DOCK4: variants seen among roughly 807,000 people sequenced by gnomAD.
The protein encoded by DOCK4 is dedicator of cytokinesis 4, also known as dedicator of cytokinesis protein 4.
A neutral mutation model predicts 268.1 loss-of-function variants in DOCK4; 97 were observed. That is an observed-to-expected ratio of 0.36 (90% CI 0.31 to 0.43). The LOEUF (loss-of-function observed/expected upper bound fraction) is 0.43. DOCK4 is among the 20% of genes least tolerant of loss of function. DOCK4 has a pLI of 1.00. For synonymous variants in DOCK4, 954 were observed against 887.2 expected (o/e 1.08, Z -1.34); for missense variants, 2,145 against 2,455.7 (o/e 0.87, Z 2.67).
At chr7:111,761,092 A>C in intron 39 of DOCK4, among the ~76,000 whole-genome samples, 1 of 147,114 alleles carries the variant, frequency 6.8e-6, no homozygotes, top group Non-Finnish European at 1.5e-5. Context: ...ATGGAGTCTC[A>C]CTCTGTTGCC....
chr7:111,872,132 C>A, intron 19 of DOCK4, 42 bp from the exon 20 acceptor site: 3 of 1,462,058 alleles, frequency 2.1e-6, no homozygotes, highest in East Asian at 2.5e-5. Flanking sequence ...AAATGCAAAT[C>A]AAGGTTTTCC....
At chr7:112,076,441 G>A (rs942236176) in intron 1 of DOCK4, among the ~76,000 whole-genome samples, 1 of 152,084 alleles carries the variant, frequency 6.6e-6, no homozygotes, top group African/African-American at 2.4e-5. Context: ...AAAAACAGAT[G>A]AGGAAAGCTT....
intron 16 of DOCK4, among the ~76,000 whole-genome samples, chr7:111,879,502 A>C (rs530890202): frequency 6.6e-6 from 1 of 152,286 alleles, no homozygotes; most frequent in African/African-American, 2.4e-5. Flanking sequence ...AGTGGGGTAG[A>C]GCACCAAGTA....
At chr7:111,935,144 C>A (rs934601557) in intron 12 of DOCK4, among the ~76,000 whole-genome samples, 4 of 151,832 alleles carry the variant, frequency 2.6e-5, no homozygotes, top group Admixed American at 2.6e-4. Flanking sequence ...GACGGGGTTT[C>A]ACTGTGTTGG....
chr7:112,176,140 C>T lies in DOCK4; in HGVS notation c.37+29962G>A, dbSNP rs562364831. Among the ~76,000 whole-genome samples, 5 of 152,296 alleles carry T rather than the reference C, an allele frequency of 3.3e-5. No individual in the cohort carries two copies. In the East Asian group the frequency reaches 9.6e-4, roughly 29 times the overall value. ...TGTTTGGAGAGCAGGTGTTTTTCTA[C>T]CCCACAATCCAAAGAGCACCCTACT... On this transcript the variant is annotated intron_variant, in intron 1 of 52. Transcript: ENST00000428084.
At chr7:111,933,067 CAT>C (rs1216812669) in intron 12 of DOCK4, among the ~76,000 whole-genome samples, 4 of 146,182 alleles carry the variant, frequency 2.7e-5, no homozygotes, top group Admixed American at 1.4e-4. Flanking sequence ...TATATATATA[CAT>C]ATATATACAC....
At chr7:111,828,888 GTATATA>G (rs144430528) in intron 26 of DOCK4, among the ~76,000 whole-genome samples, 12 of 143,276 alleles carry the variant, frequency 8.4e-5, no homozygotes, top group African/African-American at 2.4e-4. Flanking sequence ...GTGTGTGTGT[GTATATA>G]TATATATATA....
intron 1 of DOCK4, among the ~76,000 whole-genome samples, chr7:112,066,561 T>C: frequency 6.8e-6 from 1 of 148,128 alleles, no homozygotes; most frequent in Admixed American, 6.7e-5. Flanking sequence ...TATATACGTA[T>C]ATATACACGT....
intron 1 of DOCK4, among the ~76,000 whole-genome samples, chr7:112,192,861 T>C (rs1210094189): frequency 6.6e-6 from 1 of 151,830 alleles, no homozygotes; most frequent in African/African-American, 2.4e-5. Context: ...CTTATGCTTG[T>C]CACTAAGAAA....
At chr7:112,157,554 A>T (rs1816734994) in intron 1 of DOCK4, among the ~76,000 whole-genome samples, 3 of 152,302 alleles carry the variant, frequency 2.0e-5, no homozygotes, top group Non-Finnish European at 2.9e-5. Context: ...TTATTTGGAG[A>T]TAATGTAAGG....
chr7:111,743,280 G>A (rs747447316), intron 44 of DOCK4, among the ~76,000 whole-genome samples: 15 of 152,180 alleles, frequency 9.9e-5, no homozygotes, highest in Non-Finnish European at 2.1e-4. Context: ...TCACCACAAG[G>A]TTTTGTTGTT....
chr7:111,831,271 CACTT>C (rs781636468), intron 26 of DOCK4, among the ~76,000 whole-genome samples: 37 of 152,216 alleles, frequency 2.4e-4, no homozygotes, highest in Non-Finnish European at 5.0e-4. Context: ...GCCTAGGAGT[CACTT>C]ACAACTCCTC....
chr7:112,072,351 T>TA (rs1469196255), intron 1 of DOCK4, among the ~76,000 whole-genome samples: 10 of 152,372 alleles, frequency 6.6e-5, no homozygotes, highest in Admixed American at 5.2e-4. Flanking sequence ...GACATTTTGT[T>TA]AGACCTTGTG....
intron 23 of DOCK4, among the ~76,000 whole-genome samples, chr7:111,859,042 A>G (rs1259911013): frequency 1.3e-5 from 2 of 152,094 alleles, no homozygotes; most frequent in African/African-American, 2.4e-5. Flanking sequence ...TTTTTGAGAC[A>G]GGGTCTCCAT....
chr7:112,013,019 T>C (rs1016631827), intron 1 of DOCK4, among the ~76,000 whole-genome samples: 6 of 152,160 alleles, frequency 3.9e-5, no homozygotes, highest in African/African-American at 1.4e-4. Flanking sequence ...CAAAAGTGAA[T>C]TGGAAGACAG....
chr7:112,113,734 ATTTTTTTTTTTTTTTTTTTTTTTTTTTTT>A (rs57672966), intron 1 of DOCK4, among the ~76,000 whole-genome samples: 1,265 of 49,586 alleles, frequency 0.026, 39 homozygotes, highest in African/African-American at 0.079. Flanking sequence ...TACTTGGCTG[ATTTTTTTTTTTTTTTTTTTTTTTTTTTTT>A]TTTTTTTTTT....
intron 20 of DOCK4, among the ~76,000 whole-genome samples, chr7:111,870,391 C>T (rs1806324247): frequency 6.9e-6 from 1 of 145,840 alleles, no homozygotes; most frequent in South Asian, 2.2e-4. Flanking sequence ...TGGCTTGGCT[C>T]ACCGCAACCT....
intron 1 of DOCK4, among the ~76,000 whole-genome samples, chr7:112,201,207 A>G (rs1481727087): frequency 1.3e-5 from 2 of 152,186 alleles, no homozygotes; most frequent in Non-Finnish European, 2.9e-5. Flanking sequence ...ACTATCCTGT[A>G]TGAATACGAG....
Position 111,901,791 on chromosome 7 carries a change from C to T in DOCK4, c.1203G>A (p.Arg401=), listed in dbSNP as rs1308257287. Residue 401 remains arginine (R), a synonymous_variant, in exon 14 of 53, where the codon AGG becomes AGA. Coordinates refer to ENST00000428084, the MANE Select transcript of DOCK4 (RefSeq NM_001363540.2). ...FSNIIMPGEM[R]NDLYITIERG... ...TTTCAATAGTGATATATAAATCATT[C>T]CTCATTTCACCTATAAGGAAAGGAA... 4 of 1,568,202 alleles carry T rather than the reference C, an allele frequency of 2.6e-6. No individual in the cohort carries two copies. Among genetic ancestry groups the T allele is most frequent in the African/African-American group, 2.7e-5 (2 of 74,014 alleles).
Sources: allele counts gnomAD v4.1 joint callset (sites outside exome capture counted in the v4.1 genomes callset), GRCh38; gene constraint gnomAD v4.1.1; transcripts MANE v1.5; gene names NCBI Gene and HGNC (gene_info 2026-07-23, HGNC 2026-07-21).